Variants in GPC5 observed in about 807,000 individuals in gnomAD.
GPC5 encodes glypican 5, also known as glypican-5.
Under a neutral mutation model 53.9 loss-of-function variants are expected in GPC5, and 47 were observed. The ratio of observed to expected loss-of-function variants is 0.87; its 90% CI spans 0.69 to 1.11. The LOEUF (loss-of-function observed/expected upper bound fraction) is 1.11, where lower values mean the gene tolerates loss of function less well. Ranked by LOEUF, GPC5 falls within the 50% of genes most tolerant of loss-of-function variation. The probability of loss-of-function intolerance (pLI) is 0.00; values close to 1 mark genes in which losing one functional copy is unlikely to be tolerated. For synonymous variants in GPC5, 286 were observed against 263.3 expected (o/e 1.09, Z -0.84); for missense variants, 748 against 713.1 (o/e 1.05, Z -0.56).
At chr13:92,435,159 C>T (rs1014750457) in intron 7 of GPC5, among the ~76,000 whole-genome samples, 8 of 152,132 alleles carry the variant, frequency 5.3e-5, no homozygotes, top group Non-Finnish European at 7.3e-5. Flanking sequence ...AGGTAATCTG[C>T]CCACCTTGGC....
chr13:92,213,311 T>A (rs905328332), intron 7 of GPC5, among the ~76,000 whole-genome samples: 4 of 152,202 alleles, frequency 2.6e-5, no homozygotes, highest in Non-Finnish European at 5.9e-5. Flanking sequence ...ATCATTTTTT[T>A]AATGGAAAAC....
At chr13:91,805,860 A>C (rs1173160304) in intron 5 of GPC5, among the ~76,000 whole-genome samples, 1 of 152,102 alleles carries the variant, frequency 6.6e-6, no homozygotes, top group Non-Finnish European at 1.5e-5. Flanking sequence ...TATATAAAGT[A>C]CCAGAGTTTT....
At chr13:91,422,462 C>G (rs1878703018) in intron 1 of GPC5, among the ~76,000 whole-genome samples, 1 of 151,954 alleles carries the variant, frequency 6.6e-6, no homozygotes, top group African/African-American at 2.4e-5. Context: ...ATGGTGAAAC[C>G]TCGTCTCTAC....
At chr13:92,043,294 T>G (rs1298222523) in intron 6 of GPC5, among the ~76,000 whole-genome samples, 1 of 152,160 alleles carries the variant, frequency 6.6e-6, no homozygotes, top group Non-Finnish European at 1.5e-5. Flanking sequence ...GATGAGTTAG[T>G]ATTGTTGTGT....
chr13:91,810,650 A>G (rs898249753), intron 5 of GPC5, among the ~76,000 whole-genome samples: 1 of 151,984 alleles, frequency 6.6e-6, no homozygotes. Context: ...AGGATAATGA[A>G]AAAGGGAGGA....
At chr13:92,006,005 A>G (rs1865161304) in intron 6 of GPC5, among the ~76,000 whole-genome samples, 1 of 152,222 alleles carries the variant, frequency 6.6e-6, no homozygotes, top group Non-Finnish European at 1.5e-5. Context: ...ACAAAAGTCT[A>G]TACTTAGCAT....
At chr13:92,330,588 T>C (rs2043281840) in intron 7 of GPC5, among the ~76,000 whole-genome samples, 1 of 152,188 alleles carries the variant, frequency 6.6e-6, no homozygotes, top group Admixed American at 6.6e-5. Flanking sequence ...AATCAGGAAT[T>C]GGAAAATTGT....
chr13:92,753,776 A>G (rs887229507), intron 7 of GPC5, among the ~76,000 whole-genome samples: 6 of 147,428 alleles, frequency 4.1e-5, no homozygotes, highest in Non-Finnish European at 7.7e-5. Context: ...GGAAGTTTAG[A>G]AAAAAAAAGA....
At chr13:91,582,537 A>G (rs2032404611) in intron 2 of GPC5, among the ~76,000 whole-genome samples, 1 of 152,142 alleles carries the variant, frequency 6.6e-6, no homozygotes, top group Non-Finnish European at 1.5e-5. Flanking sequence ...TCAAACACAA[A>G]CTTGAAAAAA....
intron 7 of GPC5, among the ~76,000 whole-genome samples, chr13:92,812,461 C>T (rs1415451123): frequency 6.6e-6 from 1 of 151,526 alleles, no homozygotes; most frequent in South Asian, 2.1e-4. Context: ...TCAAATAACA[C>T]AGAAAAGGCA....
chr13:92,254,761 G>A (rs934481099), intron 7 of GPC5, among the ~76,000 whole-genome samples: 31 of 152,042 alleles, frequency 2.0e-4, no homozygotes, highest in African/African-American at 6.8e-4. Flanking sequence ...GTGAAGGGGC[G>A]AAAAAGTCCC....
chr13:92,721,399 C>G (rs967729967), intron 7 of GPC5: 1 of 151,912 alleles, frequency 6.6e-6, no homozygotes, highest in Non-Finnish European at 1.5e-5. Context: ...AATTAAAAAC[C>G]CTCCAATTTC....
At chr13:91,540,567 A>G (rs554342473) in intron 2 of GPC5, among the ~76,000 whole-genome samples, 4 of 152,326 alleles carry the variant, frequency 2.6e-5, no homozygotes, top group African/African-American at 9.6e-5. Flanking sequence ...TGCAGACATT[A>G]AAAGCCTTTG....
At position 92,148,117 on chromosome 13, in the gene GPC5, A is replaced by C. The variant is rs115144873; in HGVS notation, c.1561+3128A>C. 4.9e-3 allele frequency among the ~76,000 whole-genome samples: 746 copies of C among 152,216 alleles called. 10 individuals carry two copies. The highest frequency in any genetic ancestry group is 0.016 in the African/African-American group (673 of 41,556). On this transcript the variant is annotated intron_variant, in intron 7 of 7. Transcript: ENST00000377067. ...ACACAGTTCATTTGTTACCATAAAA[A>C]GTCTGACTAAATTTAAAGTTATATA...
At chr13:92,100,540 T>C (rs567110213) in intron 6 of GPC5, among the ~76,000 whole-genome samples, 2 of 152,222 alleles carry the variant, frequency 1.3e-5, no homozygotes, top group Non-Finnish European at 2.9e-5. Flanking sequence ...ACAATACTTA[T>C]GTAGCAAGTT....
At position 92,510,244 on chromosome 13, in the gene GPC5, T is replaced by C. The variant is rs1483272215; in HGVS notation, c.1562-356038T>C. ...AAAATTAAAGGCATCTTTATGTTTA[T>C]TCTTAGAGATAACTCAGCTTCATCT... On this transcript the variant is annotated intron_variant, in intron 7 of 7. Coordinates refer to ENST00000377067, the MANE Select transcript of GPC5 (RefSeq NM_004466.6). 3 of 152,202 alleles carry C rather than the reference T, an allele frequency of 2.0e-5. No homozygotes were observed. The East Asian group carries it at 5.8e-4, about 29-fold the overall frequency. The allele number at this position is 152,202 out of a possible 1,614,324, so 9.4% of individuals were successfully genotyped here. A position where few individuals can be genotyped will look rare whatever the true frequency, so the allele number is the denominator to read the frequency against.
At chr13:91,768,671 G>T (rs1433139765) in intron 5 of GPC5, among the ~76,000 whole-genome samples, 2 of 152,044 alleles carry the variant, frequency 1.3e-5, no homozygotes, top group Non-Finnish European at 2.9e-5. Context: ...AGTTATATTA[G>T]ATCATTAAAC....
chr13:91,913,314 G>T (rs1371766829), intron 6 of GPC5, among the ~76,000 whole-genome samples: 4 of 151,242 alleles, frequency 2.6e-5, no homozygotes, highest in Admixed American at 6.6e-5. Flanking sequence ...CAGAAGAATC[G>T]CTTGAACCCG....
chr13:91,970,217 A>C (rs551462934), intron 6 of GPC5, among the ~76,000 whole-genome samples: 1 of 152,312 alleles, frequency 6.6e-6, no homozygotes, highest in South Asian at 2.1e-4. Context: ...GGAACCTAAA[A>C]AAGGTGAACT....
Sources: gnomAD v4.1 joint callset for allele counts (sites outside exome capture counted in the v4.1 genomes callset) on GRCh38, gnomAD v4.1.1 for gene constraint, MANE v1.5 for transcripts, NCBI Gene and HGNC (gene_info 2026-07-23, HGNC 2026-07-21) for gene names.